The following COG4 variants were observed in gnomAD, a reference collection of about 807,000 sequenced individuals.
COG4 encodes component of oligomeric golgi complex 4, also known as conserved oligomeric Golgi complex subunit 4.
Under a neutral mutation model 95.1 loss-of-function variants are expected in COG4, and 65 were observed. The ratio of observed to expected loss-of-function variants is 0.68; its 90% CI spans 0.56 to 0.84. The LOEUF (loss-of-function observed/expected upper bound fraction) is 0.84, where lower values mean the gene tolerates loss of function less well. Among genes scored for constraint, COG4 ranks in the 40% least tolerant of loss-of-function variants. The pLI is 0.00. For synonymous variants in COG4, 421 were observed against 374.8 expected (o/e 1.12, Z -1.42); for missense variants, 1,045 against 989.1 (o/e 1.06, Z -0.76).
At chr16:70,506,839 C>CT (rs2049588124) in intron 8 of COG4, among the ~76,000 whole-genome samples, 1 of 151,626 alleles carries the variant, frequency 6.6e-6, no homozygotes, top group African/African-American at 2.4e-5. Context: ...TAGTAGTTAC[C>CT]TTTGTGGGAA....
chr16:70,482,341 T>C (rs2049016378), intron 15 of COG4, 166 bp from the exon 16 acceptor site: 2 of 695,400 alleles, frequency 2.9e-6, no homozygotes, highest in South Asian at 3.1e-5. Flanking sequence ...TGGCAGAAAC[T>C]GACCAGCAAA....
chr16:70,521,389 T>C (rs2049938297), intron 1 of COG4, among the ~76,000 whole-genome samples: 1 of 152,000 alleles, frequency 6.6e-6, no homozygotes, highest in Non-Finnish European at 1.5e-5. Context: ...GGCTAACTTT[T>C]GCATTTTTAG....
chr16:70,490,804 C>T (rs955816818), intron 12 of COG4, among the ~76,000 whole-genome samples: 1 of 151,788 alleles, frequency 6.6e-6, no homozygotes, highest in African/African-American at 2.4e-5. Flanking sequence ...GGACAACAGG[C>T]GCCCGCCACT....
At chr16:70,517,383 T>A (rs1413003421) in intron 3 of COG4, among the ~76,000 whole-genome samples, 1 of 150,584 alleles carries the variant, frequency 6.6e-6, no homozygotes, top group Non-Finnish European at 1.5e-5. Flanking sequence ...AGCCCAGGAG[T>A]TCAGGACCAG....
chr16:70,498,088 T>C (rs779578242), intron 9 of COG4, 33 bp from the exon 10 acceptor site: 5 of 1,439,304 alleles, frequency 3.5e-6, no homozygotes, highest in Non-Finnish European at 4.9e-6. Context: ...ATACTCATTT[T>C]TTTTCCCCAA....
chr16:70,480,668 A>G lies in COG4; in HGVS notation c.*342T>C. 1 of 348,772 alleles carries G rather than the reference A, an allele frequency of 2.9e-6. No individual in the cohort carries two copies. Among genetic ancestry groups the G allele is most frequent in the Non-Finnish European group, 5.4e-6 (1 of 184,204 alleles). The allele number at this position is 348,772 out of a possible 1,614,324, so 21.6% of individuals were successfully genotyped here. A position where few individuals can be genotyped will look rare whatever the true frequency, so the allele number is the denominator to read the frequency against. On this transcript the variant is annotated 3_prime_UTR_variant, in exon 19 of 19. Coordinates refer to ENST00000323786, the MANE Select transcript of COG4 (RefSeq NM_015386.3). Reference sequence around the variant, plus strand: ...GTCCCCAGATGTACCCAAGTTGTCTAGGACTGGCAGGGGTAGCTTGTTTGC... The same window carrying G: ...GTCCCCAGATGTACCCAAGTTGTCTGGGACTGGCAGGGGTAGCTTGTTTGC...
intron 9 of COG4, 66 bp from the exon 10 acceptor site, chr16:70,498,121 A>T: frequency 1.0e-6 from 1 of 954,332 alleles, no homozygotes; most frequent in Non-Finnish European, 1.7e-6. Flanking sequence ...AACTTTTTTC[A>T]TTTTTTCAGG....
chr16:70,512,707 C>T (rs2049734903), intron 4 of COG4, among the ~76,000 whole-genome samples: 1 of 152,164 alleles, frequency 6.6e-6, no homozygotes. Context: ...AGTCCGGGCA[C>T]GGTGGCTCAT....
At chr16:70,521,704 T>C (rs1389324846) in intron 1 of COG4, among the ~76,000 whole-genome samples, 1 of 149,872 alleles carries the variant, frequency 6.7e-6, no homozygotes, top group African/African-American at 2.5e-5. Flanking sequence ...ACTAAATTTT[T>C]TTTTTTTTTT....
chr16:70,495,397 C>CAAAAAAAAAAAAAAA (rs11382671), intron 12 of COG4, among the ~76,000 whole-genome samples: 34 of 111,306 alleles, frequency 3.1e-4, no homozygotes, highest in African/African-American at 1.2e-3. Context: ...GACTCCATCT[C>CAAAAAAAAAAAAAAA]AAAAAAAAAA....
At chr16:70,483,572 G>T (rs1330429568) in intron 14 of COG4, among the ~76,000 whole-genome samples, 1 of 152,038 alleles carries the variant, frequency 6.6e-6, no homozygotes, top group Non-Finnish European at 1.5e-5. Flanking sequence ...CAACCATGTG[G>T]CTCCACTTCC....
intron 15 of COG4, 185 bp from the exon 16 acceptor site, chr16:70,482,360 G>T: frequency 3.0e-6 from 2 of 669,590 alleles, no homozygotes; most frequent in South Asian, 3.2e-5. Flanking sequence ...AACAGCCCAG[G>T]GCTGTAGCAG....
chr16:70,488,388 A>G (rs1000473866), intron 13 of COG4, among the ~76,000 whole-genome samples: 4 of 151,954 alleles, frequency 2.6e-5, no homozygotes, highest in African/African-American at 9.7e-5. Context: ...TGGCCTCCCA[A>G]AGTGCTGGGA....
At chr16:70,512,068 G>A (rs2049717904) in intron 5 of COG4, among the ~76,000 whole-genome samples, 171 bp downstream of exon 5, 1 of 152,226 alleles carries the variant, frequency 6.6e-6, no homozygotes, top group Non-Finnish European at 1.5e-5. Context: ...GCTGGCAACA[G>A]GTGTGTTGAA....
Position 70,483,293 on chromosome 16 carries a change from CCTCCT to C in COG4, c.1828-477_1828-473del, listed in dbSNP as rs1473512406. ...TCCTTCTCTCCTCTCCCCACCCCATCCTCCTCTCCTCTCCCCATCCCTTCCCTCTC... is the reference window on the plus strand; with the variant it reads ...TCCTTCTCTCCTCTCCCCACCCCATCCTCCTCTCCCCATCCCTTCCCTCTC... On this transcript the variant is annotated intron_variant, in intron 14 of 18. Coordinates refer to ENST00000323786, the MANE Select transcript of COG4 (RefSeq NM_015386.3). 1.0e-4 allele frequency among the ~76,000 whole-genome samples: 12 copies of C among 115,676 alleles called. No homozygotes were observed. In the East Asian group the frequency reaches 1.9e-3, roughly 19 times the overall value. The allele number at this position is 115,676 out of a possible 152,430, so 75.9% of individuals were successfully genotyped here. A position where few individuals can be genotyped will look rare whatever the true frequency, so the allele number is the denominator to read the frequency against.
intron 9 of COG4, 107 bp from the exon 10 acceptor site, chr16:70,498,162 C>T: frequency 1.4e-6 from 1 of 728,340 alleles, no homozygotes; most frequent in African/African-American, 1.7e-5. Flanking sequence ...GAAATATGTA[C>T]ATATTTTACA....
chr16:70,509,129 T>C, intron 7 of COG4, 102 bp downstream of exon 7: 1 of 1,445,972 alleles, frequency 6.9e-7, no homozygotes, highest in Non-Finnish European at 9.7e-7. Context: ...TTTTCTCCTG[T>C]CTGCACCTTT....
chr16:70,509,788 A>T (rs942302796), intron 6 of COG4, 128 bp downstream of exon 6: 4 of 739,484 alleles, frequency 5.4e-6, no homozygotes, highest in Non-Finnish European at 9.4e-6. Context: ...TTAATTCTCC[A>T]ATCAATTAAT....
At chr16:70,487,577 G>A (rs912112777) in intron 13 of COG4, among the ~76,000 whole-genome samples, 11 of 152,010 alleles carry the variant, frequency 7.2e-5, no homozygotes, top group African/African-American at 2.4e-4. Context: ...GCGAGACTCC[G>A]TCTCAAAAAA....
Sources: gnomAD v4.1 joint callset for allele counts (sites outside exome capture counted in the v4.1 genomes callset) on GRCh38, gnomAD v4.1.1 for gene constraint, MANE v1.5 for transcripts, NCBI Gene and HGNC (gene_info 2026-07-23, HGNC 2026-07-21) for gene names.